The following TANC1 variants were observed in gnomAD, a reference collection of about 807,000 sequenced individuals.
The protein encoded by TANC1 is protein TANC1.
A neutral mutation model predicts 149.7 loss-of-function variants in TANC1; 77 were observed. The observed-to-expected ratio is 0.51, with a 90% CI of 0.43 to 0.62. TANC1 has a LOEUF of 0.62. Among genes scored for constraint, TANC1 ranks in the 20% least tolerant of loss-of-function variants. The pLI is 0.00. For missense variants in TANC1, 1,985 were observed against 2,321.8 expected (o/e 0.85, Z 2.98); for synonymous variants, 854 against 925.0 (o/e 0.92, Z 1.39).
At chr2:159,107,405 A>G (rs2047290736) in intron 4 of TANC1, among the ~76,000 whole-genome samples, 1 of 152,210 alleles carries the variant, frequency 6.6e-6, no homozygotes, top group Non-Finnish European at 1.5e-5. Flanking sequence ...TTTTGATGTC[A>G]TGTCCTAGTA....
intron 1 of TANC1, among the ~76,000 whole-genome samples, chr2:158,973,677 TG>T (rs1349472936): frequency 1.3e-5 from 2 of 152,292 alleles, no homozygotes; most frequent in African/African-American, 4.8e-5. Context: ...TTATTGTTAA[TG>T]GAAGAGGGAG....
intron 4 of TANC1, among the ~76,000 whole-genome samples, chr2:159,100,157 C>T (rs1387349894): frequency 6.6e-6 from 1 of 152,140 alleles, no homozygotes; most frequent in African/African-American, 2.4e-5. Flanking sequence ...ATTTGCCTAC[C>T]TATAGTCTGT....
chr2:159,050,373 C>T (rs969649920), intron 2 of TANC1, among the ~76,000 whole-genome samples: 1 of 152,202 alleles, frequency 6.6e-6, no homozygotes, highest in Non-Finnish European at 1.5e-5. Flanking sequence ...GTGTGAGCCA[C>T]CACACCCAGC....
At chr2:158,992,669 ATTTTTTTTTT>A (rs70994251) in intron 1 of TANC1, among the ~76,000 whole-genome samples, 13 of 112,512 alleles carry the variant, frequency 1.2e-4, no homozygotes, top group East Asian at 2.5e-4. Flanking sequence ...TGCCCAGCTA[ATTTTTTTTTT>A]TTTTTTTTTT....
At chr2:159,225,569 CT>C (rs770487949) in intron 23 of TANC1, 118 bp from the exon 24 acceptor site, 60 of 750,432 alleles carry the variant, frequency 8.0e-5, no homozygotes, top group Non-Finnish European at 1.4e-4. Context: ...CCTCATCGTG[CT>C]GTGGTCCTTG....
chr2:159,108,210 C>T (rs1331207505), intron 4 of TANC1, among the ~76,000 whole-genome samples: 1 of 152,180 alleles, frequency 6.6e-6, no homozygotes, highest in African/African-American at 2.4e-5. Context: ...GTCCAGCCTC[C>T]CTCTTAGGGC....
intron 13 of TANC1, among the ~76,000 whole-genome samples, chr2:159,177,366 CCTT>C (rs1317047234): frequency 6.6e-6 from 1 of 152,044 alleles, no homozygotes; most frequent in Non-Finnish European, 1.5e-5. Flanking sequence ...ACCATTGACT[CCTT>C]CTATACCTAT....
At chr2:159,226,057 C>G (rs1194861712) in intron 24 of TANC1, 1 of 400,470 alleles carries the variant, frequency 2.5e-6, no homozygotes, top group East Asian at 6.0e-5. Context: ...GTAATCCCAG[C>G]TACTCGGGAG....
chr2:159,040,777 C>T (rs949101707), intron 2 of TANC1, among the ~76,000 whole-genome samples: 1 of 152,230 alleles, frequency 6.6e-6, no homozygotes, highest in African/African-American at 2.4e-5. Context: ...TAGTCAAAGT[C>T]ATTCTCCGTC....
At position 159,159,711 on chromosome 2, in the gene TANC1, TGTGTGTGA is replaced by T. The variant is rs2053820803; in HGVS notation, c.683-3570_683-3563del. Among the ~76,000 whole-genome samples the T allele has an allele frequency of 4.6e-5, 3 of 64,678 alleles. No homozygotes were observed. In the South Asian group the frequency reaches 2.0e-3, roughly 43 times the overall value. 42.4% of individuals were successfully genotyped at this position (64,678 alleles called of 152,430 possible). On this transcript the variant is annotated intron_variant, in intron 7 of 26. Transcript: ENST00000263635. Reference sequence around the variant, plus strand: ...ACATACGTGTGTGTGTGTGTGTGTGTGTGTGTGAGAGAGAGAGAGAGAGAGAGAGAGAG... The same window carrying T: ...ACATACGTGTGTGTGTGTGTGTGTGTGAGAGAGAGAGAGAGAGAGAGAGAG...
intron 1 of TANC1, among the ~76,000 whole-genome samples, chr2:158,971,234 T>TATTATA (rs1295056335): frequency 6.6e-6 from 1 of 152,200 alleles, no homozygotes; most frequent in African/African-American, 2.4e-5. Flanking sequence ...CCAGCATCCC[T>TATTATA]GAGCCAGTGG....
At chr2:159,168,990 T>G (rs768808167) in intron 8 of TANC1, among the ~76,000 whole-genome samples, 1 of 152,206 alleles carries the variant, frequency 6.6e-6, no homozygotes, top group Non-Finnish European at 1.5e-5. Context: ...TGGTGAATTC[T>G]GTCTCTTTCC....
rs1329369578 is a variant in TANC1 at position 159,178,540 on chromosome 2, T to G, written c.1903-16T>G. The G allele has an allele frequency of 3.9e-6, 6 of 1,539,078 alleles. No individual in the cohort carries two copies. The African/African-American group carries it at 6.9e-5, about 18-fold the overall frequency. On this transcript the variant is annotated splice_polypyrimidine_tract_variant and intron_variant, in intron 13 of 26. Coordinates refer to ENST00000263635, the MANE Select transcript of TANC1 (RefSeq NM_033394.3). ...CTCTTTAGAGTGACACTGTGGGTTT[T>G]TGTTTTCTCCCCCAGGAAATCATAA... is the stretch of plus-strand genomic sequence containing the variant.
At chr2:159,032,970 A>T (rs2039900438) in intron 2 of TANC1, among the ~76,000 whole-genome samples, 1 of 152,110 alleles carries the variant, frequency 6.6e-6, no homozygotes, top group Admixed American at 6.5e-5. Flanking sequence ...TTATGGAAAG[A>T]GTGAAAGTTT....
intron 2 of TANC1, among the ~76,000 whole-genome samples, chr2:159,018,604 A>G (rs2038506059): frequency 1.3e-5 from 2 of 152,162 alleles, no homozygotes; most frequent in Admixed American, 6.5e-5. Flanking sequence ...GAACTTTTTT[A>G]TCACCCCAAA....
chr2:159,143,337 A>C (rs1007216953), intron 5 of TANC1, among the ~76,000 whole-genome samples: 2 of 152,116 alleles, frequency 1.3e-5, no homozygotes, highest in African/African-American at 4.8e-5. Context: ...AATGTTACAC[A>C]GTCTTGCATG....
chr2:159,171,124 G>C (rs1021925407), intron 10 of TANC1, among the ~76,000 whole-genome samples: 11 of 152,166 alleles, frequency 7.2e-5, no homozygotes, highest in Non-Finnish European at 1.3e-4. Context: ...CAAGGGGTTG[G>C]GCTCCTGGTA....
intron 2 of TANC1, among the ~76,000 whole-genome samples, chr2:159,005,340 G>C (rs6432511): frequency 0.69 from 105,307 of 152,110 alleles, 36,668 homozygotes; most frequent in Non-Finnish European, 0.74. Context: ...CCTATAATCC[G>C]CGCACTTTGG....
chr2:159,172,742 A>G (rs759448777), intron 11 of TANC1, among the ~76,000 whole-genome samples: 1 of 152,176 alleles, frequency 6.6e-6, no homozygotes, highest in Non-Finnish European at 1.5e-5. Context: ...ATTTGTGATC[A>G]TCAAGGTCTT....
Sources: allele counts gnomAD v4.1 joint callset (sites outside exome capture counted in the v4.1 genomes callset), GRCh38; gene constraint gnomAD v4.1.1; transcripts MANE v1.5; gene names NCBI Gene and HGNC (gene_info 2026-07-23, HGNC 2026-07-21).